SEC14L1: variants seen among roughly 807,000 people sequenced by gnomAD.
SEC14L1 encodes the protein SEC14 like lipid binding 1, also known as SEC14-like protein 1.
Under a neutral mutation model 85.3 loss-of-function variants are expected in SEC14L1, and 48 were observed. The ratio of observed to expected loss-of-function variants is 0.56; its 90% confidence interval spans 0.45 to 0.72. The LOEUF is 0.72. Among genes scored for constraint, SEC14L1 ranks in the 30% least tolerant of loss-of-function variants. The pLI is 0.00. For synonymous variants in SEC14L1, 391 were observed against 355.5 expected (o/e 1.10, Z -1.12); for missense variants, 682 against 921.4 (o/e 0.74, Z 3.36).
At chr17:77,095,209 G>T (rs917247873) in intron 3 of SEC14L1, among the ~76,000 whole-genome samples, 1 of 152,190 alleles carries the variant, frequency 6.6e-6, no homozygotes, top group African/African-American at 2.4e-5. Flanking sequence ...TATTTATAGC[G>T]TGGAAAATGG....
intron 3 of SEC14L1, among the ~76,000 whole-genome samples, chr17:77,103,628 G>T (rs1010895296): frequency 1.0e-4 from 3 of 30,080 alleles, no homozygotes; most frequent in Non-Finnish European, 6.0e-5. Flanking sequence ...TTTTAGTAGA[G>T]ACGATATTTT....
chr17:77,108,376 G>A (rs1035664290), intron 3 of SEC14L1, among the ~76,000 whole-genome samples: 3 of 152,122 alleles, frequency 2.0e-5, no homozygotes, highest in Non-Finnish European at 4.4e-5. Flanking sequence ...GCAGCCCTAT[G>A]GTTCGTGTGG....
chr17:77,093,494 C>T (rs1747414898), intron 3 of SEC14L1: 1 of 152,258 alleles, frequency 6.6e-6, no homozygotes, highest in African/African-American at 2.4e-5. Flanking sequence ...GAGTGTGTAG[C>T]CTCTCATCAT....
At chr17:77,132,173 C>T (rs1972632069) in intron 3 of SEC14L1, among the ~76,000 whole-genome samples, 1 of 152,050 alleles carries the variant, frequency 6.6e-6, no homozygotes, top group South Asian at 2.1e-4. Flanking sequence ...AACTCTTTTA[C>T]CACCAAATGC....
At chr17:77,098,250 G>A (rs532826616) in intron 3 of SEC14L1, among the ~76,000 whole-genome samples, 2 of 152,240 alleles carry the variant, frequency 1.3e-5, no homozygotes, top group African/African-American at 4.8e-5. Context: ...TGTAATCCCA[G>A]CACTTTGGGA....
chr17:77,112,569 A>T lies in SEC14L1; in HGVS notation c.-136+19222A>T, dbSNP rs548656514. Among the ~76,000 whole-genome samples the T allele has an allele frequency of 2.0e-5, 3 of 152,280 alleles. No homozygotes were observed. In the East Asian group the frequency reaches 5.8e-4, roughly 29 times the overall value. On this transcript the variant is annotated intron_variant, in intron 3 of 19. Transcript: ENST00000392476. ...AAGTGCATACTGTTCCTGAACAGTT[A>T]ACAGTTACAAAGATGAATTGAAAAG... is the stretch of plus-strand genomic sequence containing the variant.
At position 77,092,969 on chromosome 17, in the gene SEC14L1, AAAAAG is replaced by A. The variant is rs1473165775; in HGVS notation, c.-239-271_-239-267del. On this transcript the variant is annotated intron_variant, in intron 2 of 19. Coordinates refer to the SEC14L1 transcript ENST00000392476. Reference sequence around the variant, plus strand: ...TCCGTCTCAAAAAAAAAAAAAAAAAAAAAAGAAAGGGAAAGATGAGGTTAGGAAGT... The same window carrying A: ...TCCGTCTCAAAAAAAAAAAAAAAAAAAAAGGGAAAGATGAGGTTAGGAAGT... Among the ~76,000 whole-genome samples the A allele has an allele frequency of 8.3e-4, 125 of 151,472 alleles. 2 individuals carry two copies. Among genetic ancestry groups the A allele is most frequent in the Non-Finnish European group, 6.2e-4 (42 of 67,850 alleles).
chr17:77,134,276 G>T (rs1972715733), intron 3 of SEC14L1, among the ~76,000 whole-genome samples: 1 of 150,654 alleles, frequency 6.6e-6, no homozygotes, highest in Admixed American at 6.6e-5. Context: ...TGGAGACATG[G>T]TCTCTCTCTG....
At position 77,206,468 on chromosome 17, in the gene SEC14L1, A is replaced by C; in HGVS notation, c.1341+68A>C. On this transcript the variant is annotated intron_variant, in intron 12 of 16. Coordinates refer to ENST00000436233, the MANE Select transcript of SEC14L1 (RefSeq NM_001143998.2). The surrounding 1 kb of genome is among the most constrained non-coding windows in gnomAD (Gnocchi z 4.3). ...AAGCAGATAACATGCATTCATATAC[A>C]CGTGTCTGTGACCTAAAGTCTTAAC... The C allele has an allele frequency of 6.6e-7, 1 of 1,510,720 alleles. No homozygotes were observed. The highest frequency in any genetic ancestry group is 9.0e-7 in the Non-Finnish European group (1 of 1,106,494). The allele number at this position is 1,510,720 out of a possible 1,614,324, so 93.6% of individuals were successfully genotyped here.
intron 3 of SEC14L1, among the ~76,000 whole-genome samples, chr17:77,096,696 A>G (rs1971657299): frequency 6.6e-6 from 1 of 152,164 alleles, no homozygotes; most frequent in Admixed American, 6.6e-5. Context: ...CTCTGATGTA[A>G]CTTGGTATAG....
chr17:77,153,747 T>C (rs955406978), intron 3 of SEC14L1, among the ~76,000 whole-genome samples: 10 of 152,070 alleles, frequency 6.6e-5, no homozygotes, highest in Non-Finnish European at 1.5e-4. Flanking sequence ...TCTTCTGTTG[T>C]CTCTTTTATT....
chr17:77,178,240 A>G (rs1052168387), intron 3 of SEC14L1, among the ~76,000 whole-genome samples: 1 of 151,860 alleles, frequency 6.6e-6, no homozygotes, highest in Non-Finnish European at 1.5e-5. Context: ...CTCCCATCCC[A>G]CCTGCCACTC....
chr17:77,188,591 C>T (rs7223692), intron 3 of SEC14L1, among the ~76,000 whole-genome samples: 54,965 of 151,826 alleles, frequency 0.36, 10,145 homozygotes, highest in South Asian at 0.43. Context: ...TTATGAGTAA[C>T]GCTGCTATGA....
intron 3 of SEC14L1, among the ~76,000 whole-genome samples, chr17:77,130,497 T>C (rs1368940526): frequency 6.6e-6 from 1 of 152,034 alleles, no homozygotes; most frequent in Non-Finnish European, 1.5e-5. Context: ...TTGTATTTTT[T>C]AGTAGTGACG....
intron 3 of SEC14L1, among the ~76,000 whole-genome samples, chr17:77,162,761 T>C (rs9892180): frequency 0.96 from 145,543 of 151,478 alleles, 70,202 homozygotes; most frequent in East Asian, 1. Context: ...ACCGGGGAGG[T>C]GGAGGTGTCG....
At chr17:77,152,292 T>G (rs1053492746) in intron 3 of SEC14L1, among the ~76,000 whole-genome samples, 4 of 152,126 alleles carry the variant, frequency 2.6e-5, no homozygotes, top group African/African-American at 9.7e-5. Flanking sequence ...TCCCAGCCCT[T>G]TGGGAGGCTG....
At position 77,206,836 on chromosome 17, in the gene SEC14L1, C is replaced by G. The variant is rs1432394558; in HGVS notation, c.1450C>G (p.Pro484Ala). The change falls in exon 13 of 17, where the codon CCA becomes GCA. Residue 484 changes from proline to alanine, a missense_variant. By Grantham distance (27) the Pro-to-Ala change is conservative. Coordinates refer to ENST00000436233, the MANE Select transcript of SEC14L1 (RefSeq NM_001143998.2). This position sits in a 1 kb window ranked among gnomAD's most constrained non-coding sequence, Gnocchi z 4.3. ...GGATTACATCGACAAAGAGATTATT[C>G]CAGATTTCCTGAGTGGGGAGTGCAT... ...LLDYIDKEIIPDFLSGECMCE... is the reference protein window; with the variant it reads ...LLDYIDKEIIADFLSGECMCE... The G allele has an allele frequency of 6.2e-7, 1 of 1,608,638 alleles. No homozygotes were observed. The highest frequency in any genetic ancestry group is 8.5e-7 in the Non-Finnish European group (1 of 1,178,068).
chr17:77,141,697 AGCTCGTGAATT>A (rs2143503910), intron 1 of SEC14L1: 1 of 152,326 alleles, frequency 6.6e-6, no homozygotes, highest in East Asian at 1.9e-4. Context: ...GTGGTTCACA[AGCTCGTGAATT>A]AGCAGGTTCT....
chr17:77,135,533 T>G (rs569012685), intron 3 of SEC14L1, among the ~76,000 whole-genome samples: 62 of 152,324 alleles, frequency 4.1e-4, no homozygotes, highest in African/African-American at 1.5e-3. Context: ...TCTTCCTTCC[T>G]TCCTTTCTTT....
Sources: allele counts gnomAD v4.1 joint callset (sites outside exome capture counted in the v4.1 genomes callset), GRCh38; gene constraint gnomAD v4.1.1; non-coding constraint Gnocchi (gnomAD v3.1); transcripts MANE v1.5; gene names NCBI Gene and HGNC (gene_info 2026-07-23, HGNC 2026-07-21).